The following ADCY8 variants were observed in gnomAD, a reference collection of about 807,000 sequenced individuals.
ADCY8 encodes adenylate cyclase 8.
In ADCY8, 51 loss-of-function variants were observed where a neutral mutation model predicts 119.7. The ratio of observed to expected loss-of-function variants is 0.43; its 90% confidence interval spans 0.34 to 0.54. The LOEUF (loss-of-function observed/expected upper bound fraction) is 0.54. Among genes scored for constraint, ADCY8 ranks in the 20% least tolerant of loss-of-function variants. The pLI is 0.03. For synonymous variants in ADCY8, 665 were observed against 651.0 expected (o/e 1.02, Z -0.33); for missense variants, 1,383 against 1,598.8 (o/e 0.87, Z 2.30).
intron 9 of ADCY8, among the ~76,000 whole-genome samples, chr8:130,863,996 C>T (rs752878546): frequency 3.3e-5 from 5 of 152,126 alleles, no homozygotes; most frequent in Non-Finnish European, 5.9e-5. Flanking sequence ...TTTCACATTT[C>T]TTGCAGGGAA....
At chr8:131,022,770 C>A (rs1823712893) in intron 1 of ADCY8, among the ~76,000 whole-genome samples, 1 of 152,102 alleles carries the variant, frequency 6.6e-6, no homozygotes, top group African/African-American at 2.4e-5. Context: ...CATGTAACAA[C>A]AGATAAACTT....
intron 1 of ADCY8, among the ~76,000 whole-genome samples, chr8:130,994,557 A>G (rs917134065): frequency 5.3e-5 from 8 of 152,232 alleles, no homozygotes; most frequent in Non-Finnish European, 8.8e-5. Context: ...TTTGAAATCC[A>G]TATTATCTTA....
At chr8:130,822,547 C>A (rs1465380628) in intron 12 of ADCY8, among the ~76,000 whole-genome samples, 12 of 87,694 alleles carry the variant, frequency 1.4e-4, no homozygotes, top group East Asian at 1.1e-3. Flanking sequence ...TCCATCCATC[C>A]ATCCATCCAT....
intron 15 of ADCY8, among the ~76,000 whole-genome samples, chr8:130,789,805 A>G (rs80196440): frequency 0.019 from 2,935 of 152,282 alleles, 103 homozygotes; most frequent in African/African-American, 0.066. Context: ...GTGTGGTCCC[A>G]TAAGCATCAC....
At chr8:130,847,263 C>A (rs1208357022) in intron 11 of ADCY8, among the ~76,000 whole-genome samples, 161 bp downstream of exon 11, 1 of 151,296 alleles carries the variant, frequency 6.6e-6, no homozygotes, top group African/African-American at 2.4e-5. Flanking sequence ...GAAGGAAAGG[C>A]AGAAAAGGGA....
chr8:130,890,052 C>T (rs968925026), intron 7 of ADCY8, among the ~76,000 whole-genome samples: 10 of 151,930 alleles, frequency 6.6e-5, no homozygotes, highest in South Asian at 2.1e-4. Context: ...ACTGAGTCTC[C>T]GGCACCTGGT....
intron 9 of ADCY8, among the ~76,000 whole-genome samples, chr8:130,854,591 C>T (rs1201700940): frequency 1.3e-5 from 2 of 152,126 alleles, no homozygotes; most frequent in Non-Finnish European, 2.9e-5. Flanking sequence ...TATTCTAAGC[C>T]CTTTCAACAG....
At chr8:130,880,519 A>C (rs1818729581) in intron 8 of ADCY8, among the ~76,000 whole-genome samples, 1 of 152,186 alleles carries the variant, frequency 6.6e-6, no homozygotes, top group Non-Finnish European at 1.5e-5. Context: ...TGAGATCTGT[A>C]AGCCCACTTA....
intron 7 of ADCY8, among the ~76,000 whole-genome samples, chr8:130,894,405 C>T (rs1819313132): frequency 6.6e-6 from 1 of 152,078 alleles, no homozygotes; most frequent in African/African-American, 2.4e-5. Context: ...TATCAGTGGT[C>T]CTGTGTTTAA....
intron 1 of ADCY8, among the ~76,000 whole-genome samples, chr8:131,026,105 ATGTT>A (rs1191238343): frequency 3.9e-5 from 6 of 152,198 alleles, no homozygotes; most frequent in African/African-American, 1.4e-4. Flanking sequence ...TATGGTCTGA[ATGTT>A]TGTGTCCCTC....
chr8:130,867,988 G>A (rs760610820), intron 8 of ADCY8, 42 bp from the exon 9 acceptor site: 19 of 1,383,282 alleles, frequency 1.4e-5, no homozygotes, highest in Non-Finnish European at 1.9e-5. Context: ...TTGCAGCAGA[G>A]TGCAGTGTTT....
chr8:130,940,324 T>C (rs1262996144), intron 4 of ADCY8, among the ~76,000 whole-genome samples: 1 of 152,138 alleles, frequency 6.6e-6, no homozygotes, highest in African/African-American at 2.4e-5. Flanking sequence ...AAGTGTGTTT[T>C]AGAAGGAGAT....
In ADCY8 at chr8:130,972,753, A is replaced by T. The variant is rs564580575; in HGVS notation, c.1110+17640T>A. Among the ~76,000 whole-genome samples, 195 of 152,252 alleles carry T rather than the reference A, an allele frequency of 1.3e-3. 1 individual carries two copies. The highest frequency in any genetic ancestry group is 4.5e-3 in the African/African-American group (188 of 41,548). On this transcript the variant is annotated intron_variant, in intron 2 of 17. Transcript: ENST00000286355. ...ACATTTGCCACCCTGGTCTTATGCT[A>T]CCTGTGAGAAGAAAGTAATTTTATT...
chr8:131,033,695 A>T (rs1824061664), intron 1 of ADCY8, among the ~76,000 whole-genome samples: 4 of 152,098 alleles, frequency 2.6e-5, no homozygotes. Context: ...AGCTGAAGGG[A>T]TTTAATTGGT....
Position 131,040,367 on chromosome 8 carries a change from T to C in ADCY8, c.-34A>G, listed in dbSNP as rs1824350904. On this transcript the variant is annotated 5_prime_UTR_variant, in exon 1 of 18. Coordinates refer to ENST00000286355, the MANE Select transcript of ADCY8 (RefSeq NM_001115.3). ...GCCGCAGGGAAGGAGGCCCAGAACC[T>C]TGGGGAGGCAGCCGGAGGAGGGGTT... 6.2e-6 allele frequency: 9 copies of C among 1,456,388 alleles called. No individual in the cohort carries two copies. Among genetic ancestry groups the C allele is most frequent in the South Asian group, 3.0e-5 (2 of 66,010 alleles). 90.2% of individuals were successfully genotyped at this position (1,456,388 alleles called of 1,614,324 possible). A position where few individuals can be genotyped will look rare whatever the true frequency, so the allele number is the denominator to read the frequency against.
At chr8:130,890,346 A>G (rs537131160) in intron 7 of ADCY8, among the ~76,000 whole-genome samples, 1 of 152,280 alleles carries the variant, frequency 6.6e-6, no homozygotes, top group East Asian at 1.9e-4. Flanking sequence ...AACTTAAAGT[A>G]TAATAAAACA....
rs755657790 is a variant in ADCY8 at position 130,903,923 on chromosome 8, A to G, written c.1760T>C (p.Ile587Thr). Reference protein sequence around the residue: ...LRKHNIETYLIKQPEDSLLSL... With the variant: ...LRKHNIETYLTKQPEDSLLSL... The stretch of plus-strand genomic sequence containing the variant: ...CAGCAGACTGTCCTCAGGCTGCTTA[A>G]TTAAGTAAGTTTCGATATTATGCTT... Residue 587 changes from isoleucine (I) to threonine (T), a missense_variant, in exon 7 of 18, where the codon ATT becomes ACT. Transcript: ENST00000286355. 1.9e-6 allele frequency: 3 copies of G among 1,614,140 alleles called. No homozygotes were observed. The highest frequency in any genetic ancestry group is 2.5e-6 in the Non-Finnish European group (3 of 1,180,020).
chr8:130,832,877 A>G (rs547268347), intron 12 of ADCY8, among the ~76,000 whole-genome samples: 3 of 152,354 alleles, frequency 2.0e-5, no homozygotes, highest in African/African-American at 7.2e-5. Flanking sequence ...GGGCAATGCT[A>G]TGAAATGAAT....
In ADCY8 at chr8:130,859,004, A is replaced by G. The variant is rs192446929; in HGVS notation, c.2210+8842T>C. Among the ~76,000 whole-genome samples the G allele has an allele frequency of 1.9e-3, 285 of 152,054 alleles. 5 individuals are homozygous for G. The highest frequency in any genetic ancestry group is 2.1e-3 in the Non-Finnish European group (144 of 67,994). On this transcript the variant is annotated intron_variant, in intron 9 of 17. Transcript: ENST00000286355. ...ACAAGATCGCCAAGGCTAATCTTGT[A>G]TATTTCCTGTCTCACTGTTAGACTC... is the stretch of plus-strand genomic sequence containing the variant.
Sources: gnomAD v4.1 joint callset for allele counts (sites outside exome capture counted in the v4.1 genomes callset) on GRCh38, gnomAD v4.1.1 for gene constraint, MANE v1.5 for transcripts, NCBI Gene and HGNC (gene_info 2026-07-23, HGNC 2026-07-21) for gene names.